ANKRD11: variants seen among roughly 807,000 people sequenced by gnomAD.
ANKRD11 encodes ankyrin repeat domain-containing protein 11.
ANKRD11 carries 17 observed loss-of-function variants against 195.7 expected under a neutral mutation model. That is an observed-to-expected ratio of 0.09 (90% CI 0.06 to 0.13). The LOEUF is 0.13. Ranked by LOEUF, ANKRD11 falls within the 10% of genes least tolerant of loss-of-function variation. ANKRD11 has a pLI of 1.00. For missense variants in ANKRD11, 3,735 were observed against 3,566.1 expected, an observed-to-expected ratio of 1.05 and a Z score of -1.21; for synonymous variants, 1,953 against 1,528.1, an observed-to-expected ratio of 1.28 and a Z score of -6.49.
intron 2 of ANKRD11, among the ~76,000 whole-genome samples, chr16:89,372,367 C>T (rs1216888853): frequency 6.6e-6 from 1 of 152,138 alleles, no homozygotes; most frequent in Non-Finnish European, 1.5e-5. Flanking sequence ...GTGGAGAGCC[C>T]GAGTCACGGA....
rs554148046 is a variant in ANKRD11, at chr16:89,472,025, C to T, written c.-145+18220G>A. ...TAGAATAAAATGGGAAGCTGTTGTA[C>T]CCATCCTTGACCCTCAGGTGACTAC... On this transcript the variant is annotated intron_variant, in intron 1 of 12. Transcript: ENST00000301030. Among the ~76,000 whole-genome samples the T allele has an allele frequency of 3.9e-5, 6 of 152,150 alleles. No homozygotes were observed. In the South Asian group the frequency reaches 1.2e-3, roughly 32 times the overall value.
At chr16:89,342,964 T>C (rs1476584487) in intron 2 of ANKRD11, among the ~76,000 whole-genome samples, 1 of 152,196 alleles carries the variant, frequency 6.6e-6, no homozygotes, top group African/African-American at 2.4e-5. Context: ...ATTCCGAATT[T>C]GGGATGCACA....
chr16:89,286,994 A>T (rs949008313), intron 7 of ANKRD11: 1 of 1,289,760 alleles, frequency 7.8e-7, no homozygotes, highest in Non-Finnish European at 1.0e-6. Context: ...GAATCAGTAC[A>T]GAGTTCTTAT....
Position 89,285,893 on chromosome 16 carries a change from C to CG in ANKRD11, c.892+145dup. ...GCTTCTCGGCAGTGACACACCTGGGCGGGGTCTCCCGCAGTCCAGAAGCTC... is the reference window on the plus strand; with the variant it reads ...GCTTCTCGGCAGTGACACACCTGGGCGGGGGTCTCCCGCAGTCCAGAAGCTC... On this transcript the variant is annotated intron_variant, in intron 8 of 12. Coordinates refer to ENST00000301030, the MANE Select transcript of ANKRD11 (RefSeq NM_013275.6). This position sits in a 1 kb window ranked among gnomAD's most constrained non-coding sequence, Gnocchi z 5.6. The CG allele has an allele frequency of 7.8e-7, 1 of 1,283,540 alleles. No individual in the cohort carries two copies. Among genetic ancestry groups the CG allele is most frequent in the Non-Finnish European group, 1.1e-6 (1 of 906,136 alleles). The allele number at this position is 1,283,540 out of a possible 1,614,324, so 79.5% of individuals were successfully genotyped here.
At chr16:89,391,091 G>A (rs1030461685) in intron 2 of ANKRD11, among the ~76,000 whole-genome samples, 58 of 152,078 alleles carry the variant, frequency 3.8e-4, no homozygotes, top group South Asian at 2.1e-4. Context: ...AGCCGGGCGC[G>A]GTGGTGGGCG....
rs866708710 is a variant in ANKRD11, at chr16:89,280,004, A to T, written c.6538T>A (p.Ser2180Thr). The change falls in exon 9 of 13, where the codon TCC becomes ACC. Residue 2180 changes from serine to threonine, a missense_variant. Physicochemically the swap from Ser to Thr is moderately conservative, Grantham distance 58 (BLOSUM62 1). Transcript: ENST00000301030. Reference protein sequence around the residue: ...APGVINGGDVSTVVAEEPPAL... With the variant: ...APGVINGGDVTTVVAEEPPAL... ...GGCGGCTCCTCAGCCACTACGGTGG[A>T]AACATCCCCACCGTTTATGACCCCG... The T allele has an allele frequency of 1.9e-6, 3 of 1,612,238 alleles. No individual in the cohort carries two copies. Among genetic ancestry groups the T allele is most frequent in the Non-Finnish European group, 2.5e-6 (3 of 1,179,934 alleles).
intron 2 of ANKRD11, among the ~76,000 whole-genome samples, chr16:89,396,526 T>C (rs1436392023): frequency 6.6e-6 from 1 of 152,076 alleles, no homozygotes; most frequent in East Asian, 1.9e-4. Context: ...TATGCTTCCA[T>C]TTTCCCACTA....
chr16:89,294,831 C>A (rs985002123), intron 4 of ANKRD11, among the ~76,000 whole-genome samples: 1 of 152,214 alleles, frequency 6.6e-6, no homozygotes, highest in Non-Finnish European at 1.5e-5. Context: ...CCCTGAGAAA[C>A]GCTCCTCTGA....
chr16:89,326,892 C>T (rs1028926478), intron 2 of ANKRD11, among the ~76,000 whole-genome samples: 12 of 152,308 alleles, frequency 7.9e-5, no homozygotes, highest in East Asian at 7.7e-4. Flanking sequence ...CACATCTGCA[C>T]GTGGGGCTGA....
chr16:89,354,171 T>C (rs1169224794), intron 2 of ANKRD11, among the ~76,000 whole-genome samples: 1 of 150,420 alleles, frequency 6.6e-6, no homozygotes, highest in African/African-American at 2.5e-5. Flanking sequence ...AGTATACCTT[T>C]ACCCATTCAA....
intron 3 of ANKRD11, 65 bp downstream of exon 3, chr16:89,316,868 C>T: frequency 3.2e-6 from 5 of 1,566,554 alleles, no homozygotes; most frequent in Non-Finnish European, 4.3e-6. Context: ...CGGGCAGCAC[C>T]CCATTCCCAC....
chr16:89,424,135 C>A (rs2042624346), intron 1 of ANKRD11, among the ~76,000 whole-genome samples: 1 of 152,148 alleles, frequency 6.6e-6, no homozygotes, highest in South Asian at 2.1e-4. Flanking sequence ...GGCACCTGAT[C>A]TTGCAAGACT....
intron 2 of ANKRD11, among the ~76,000 whole-genome samples, chr16:89,356,531 GGAGGCC>G (rs2039480390): frequency 6.6e-6 from 1 of 151,798 alleles, no homozygotes; most frequent in African/African-American, 2.4e-5. Flanking sequence ...CAGCTCTTTG[GGAGGCC>G]GAGGCGGGCG....
chr16:89,323,365 C>T, intron 2 of ANKRD11: 6 of 1,286,282 alleles, frequency 4.7e-6, no homozygotes, highest in South Asian at 3.7e-5. Flanking sequence ...GGCCTCTCAC[C>T]TCTCACCATC....
At position 89,314,900 on chromosome 16, in the gene ANKRD11, C is replaced by T. The variant is rs200385106; in HGVS notation, c.87+2033G>A. Among the ~76,000 whole-genome samples, 15 of 152,326 alleles carry T rather than the reference C, an allele frequency of 9.8e-5. No homozygotes were observed. The East Asian group carries it at 2.7e-3, about 27-fold the overall frequency. ...TGAAGCGCAGGCCAGGTTCACTCAG[C>T]AGTCTGTTCACACAGCTGCTCCAGA... On this transcript the variant is annotated intron_variant, in intron 3 of 12. Coordinates refer to ENST00000301030, the MANE Select transcript of ANKRD11 (RefSeq NM_013275.6).
intron 1 of ANKRD11, among the ~76,000 whole-genome samples, chr16:89,427,569 G>A (rs2042767920): frequency 6.6e-6 from 1 of 152,202 alleles, no homozygotes; most frequent in African/African-American, 2.4e-5. Flanking sequence ...GGCCGAGGCG[G>A]GAGGATCACT....
intron 3 of ANKRD11, among the ~76,000 whole-genome samples, chr16:89,311,023 C>A (rs1299335739): frequency 1.3e-5 from 2 of 152,210 alleles, no homozygotes; most frequent in Admixed American, 1.3e-4. Context: ...ATGTCAGTTG[C>A]AGGTTTTCAC....
At position 89,424,522 on chromosome 16, in the gene ANKRD11, C is replaced by A. The variant is rs150889967; in HGVS notation, c.-144-6154G>T. ...TCCAAGCCCAGTCTTTGGGTGTGGA[C>A]GGGTGAATGTGTGTTTCTCACCATG... On this transcript the variant is annotated intron_variant, in intron 1 of 12. Transcript: ENST00000301030. Among the ~76,000 whole-genome samples, 241 of 152,052 alleles carry A rather than the reference C, an allele frequency of 1.6e-3. 2 individuals are homozygous for A. Among genetic ancestry groups the A allele is most frequent in the African/African-American group, 5.5e-3 (227 of 41,474 alleles).
chr16:89,379,205 G>A (rs1330507650), intron 2 of ANKRD11, among the ~76,000 whole-genome samples: 1 of 152,240 alleles, frequency 6.6e-6, no homozygotes, highest in Non-Finnish European at 1.5e-5. Flanking sequence ...CGGCGGGCTA[G>A]AAGGGGTGCA....
Sources: gnomAD v4.1 joint callset for allele counts (sites outside exome capture counted in the v4.1 genomes callset) on GRCh38, gnomAD v4.1.1 for gene constraint, Gnocchi (gnomAD v3.1) non-coding constraint, MANE v1.5 for transcripts, NCBI Gene and HGNC (gene_info 2026-07-23, HGNC 2026-07-21) for gene names.